The following THOC1 variants were observed in gnomAD, a reference collection of about 807,000 sequenced individuals.
THOC1 encodes THO complex 1.
Under a neutral mutation model 97.3 loss-of-function variants are expected in THOC1, and 29 were observed. That is an observed-to-expected ratio of 0.30 (90% CI 0.22 to 0.41). The LOEUF (loss-of-function observed/expected upper bound fraction) is 0.41. THOC1 is among the 10% of genes least tolerant of loss of function. The pLI is 1.00. For missense variants in THOC1, 529 were observed against 761.9 expected (o/e 0.69, Z 3.60); for synonymous variants, 255 against 257.0 (o/e 0.99, Z 0.07).
chr18:219,657 A>G (rs1019278217), intron 17 of THOC1, among the ~76,000 whole-genome samples: 5 of 152,178 alleles, frequency 3.3e-5, no homozygotes, highest in South Asian at 2.1e-4. Flanking sequence ...TAAATATTAC[A>G]TAGTATTTAC....
intron 1 of THOC1, among the ~76,000 whole-genome samples, chr18:265,802 T>C (rs1912748576): frequency 6.9e-6 from 1 of 145,012 alleles, no homozygotes; most frequent in Admixed American, 6.9e-5. Flanking sequence ...ATGAGTATTG[T>C]GCTTACAAAA....
At chr18:265,279 T>G (rs778429786) in intron 3 of THOC1, 24 bp downstream of exon 3, 9 of 1,556,478 alleles carry the variant, frequency 5.8e-6, no homozygotes, top group Non-Finnish European at 3.5e-6. Flanking sequence ...CAGTAAAATT[T>G]TAACAATGGA....
chr18:220,350 A>G (rs920092843), intron 17 of THOC1, among the ~76,000 whole-genome samples: 3 of 152,252 alleles, frequency 2.0e-5, no homozygotes, highest in Admixed American at 1.3e-4. Flanking sequence ...GCTTCACAAA[A>G]GTATATTTCC....
intron 9 of THOC1, 27 bp downstream of exon 9, chr18:252,512 C>A: frequency 1.3e-6 from 2 of 1,571,308 alleles, no homozygotes; most frequent in South Asian, 1.1e-5. Flanking sequence ...CTCTGTAAAT[C>A]AAAAAGCTTA....
intron 1 of THOC1, among the ~76,000 whole-genome samples, chr18:265,862 T>C (rs1292646532): frequency 6.6e-6 from 1 of 152,200 alleles, no homozygotes; most frequent in Non-Finnish European, 1.5e-5. Context: ...GTTTTGAAGC[T>C]TCATAGATCC....
intron 11 of THOC1, among the ~76,000 whole-genome samples, chr18:235,047 G>A (rs906571716): frequency 1.3e-5 from 2 of 148,470 alleles, no homozygotes; most frequent in East Asian, 2.0e-4. Flanking sequence ...CATTCTGGCT[G>A]GTATTTCCTT....
At chr18:265,088 G>A (rs992465880) in intron 3 of THOC1, 1 of 511,864 alleles carries the variant, frequency 2.0e-6, no homozygotes, top group African/African-American at 2.0e-5. Flanking sequence ...ACTTGGAGAG[G>A]GCTCTTGTCA....
intron 1 of THOC1, 128 bp downstream of exon 1, chr18:267,838 C>T (rs533401019): frequency 4.0e-6 from 4 of 988,734 alleles, no homozygotes; most frequent in South Asian, 1.9e-5. Flanking sequence ...CGACGGGGCC[C>T]GGAGCGGACG....
At chr18:229,322 G>A (rs1293968301) in intron 11 of THOC1, among the ~76,000 whole-genome samples, 18 of 152,136 alleles carry the variant, frequency 1.2e-4, no homozygotes, top group Admixed American at 1.2e-3. Flanking sequence ...ATTGACTATA[G>A]GCACTGTTGC....
rs374961844 is a variant in THOC1 at position 242,347 on chromosome 18, G to C, written c.918+3977C>G. On this transcript the variant is annotated intron_variant, in intron 11 of 20. Transcript: ENST00000261600. This position sits in a 1 kb window ranked among gnomAD's most constrained non-coding sequence, Gnocchi z 4.5. ...ACAAAAATTGGCCAGGCGTGGTGTT[G>C]GGCGCCTGTAATCCCAGCTACTTGG... 3.3e-5 allele frequency among the ~76,000 whole-genome samples: 5 copies of C among 151,886 alleles called. No individual in the cohort carries two copies. The highest frequency in any genetic ancestry group is 1.2e-4 in the African/African-American group (5 of 41,338).
Position 254,613 on chromosome 18 carries a change from A to G in THOC1, c.521-258T>C, listed in dbSNP as rs187285437. ...TGGCAACCCTGCATCGTGCAAGTCT[A>G]TCAGCACCATTTTTCCAACAGCATA... On this transcript the variant is annotated intron_variant, in intron 7 of 20. Coordinates refer to ENST00000261600, the MANE Select transcript of THOC1 (RefSeq NM_005131.3). The surrounding 1 kb of genome is among the most constrained non-coding windows in gnomAD (Gnocchi z 4.1). Among the ~76,000 whole-genome samples, 462 of 152,296 alleles carry G rather than the reference A, an allele frequency of 3.0e-3. 3 individuals carry two copies. Among genetic ancestry groups the G allele is most frequent in the African/African-American group, 0.011 (444 of 41,554 alleles).
At chr18:216,257 T>C (rs2143132309) in intron 19 of THOC1, 1 of 473,652 alleles carries the variant, frequency 2.1e-6, no homozygotes, top group South Asian at 2.8e-5. Flanking sequence ...CACAGCCCTG[T>C]TGAACTTTAA....
chr18:233,796 T>C (rs1911577733), intron 11 of THOC1, among the ~76,000 whole-genome samples: 4 of 152,236 alleles, frequency 2.6e-5, no homozygotes, highest in Admixed American at 2.6e-4. Flanking sequence ...CTTCATGGTT[T>C]TCTTACTCTT....
At chr18:240,504 C>A (rs1409616497) in intron 11 of THOC1, among the ~76,000 whole-genome samples, 1 of 152,228 alleles carries the variant, frequency 6.6e-6, no homozygotes, top group Non-Finnish European at 1.5e-5. Flanking sequence ...TTCATGCTTT[C>A]CGCCCTGAAG....
chr18:243,108 C>G (rs1911963164), intron 11 of THOC1, among the ~76,000 whole-genome samples: 1 of 152,204 alleles, frequency 6.6e-6, no homozygotes, highest in African/African-American at 2.4e-5. Context: ...GCCTCACATT[C>G]TCTTTGGTAC....
chr18:236,455 A>C (rs1430597959), intron 11 of THOC1, among the ~76,000 whole-genome samples: 28 of 142,542 alleles, frequency 2.0e-4, no homozygotes, highest in Non-Finnish European at 1.5e-5. Context: ...TCCCGGGTTC[A>C]CGCCATTCTC....
At chr18:261,293 AAGT>A (rs1383146426) in intron 4 of THOC1, 1 of 152,334 alleles carries the variant, frequency 6.6e-6, no homozygotes, top group Middle Eastern at 3.4e-3. Context: ...TGTTTAAGAA[AAGT>A]AGTCACTTAG....
At chr18:215,849 T>G (rs1287203611) in intron 19 of THOC1, 5 of 237,868 alleles carry the variant, frequency 2.1e-5, no homozygotes, top group Non-Finnish European at 3.3e-5. Flanking sequence ...CTTAAAAGTT[T>G]CTGATTCTTA....
intron 6 of THOC1, 150 bp from the exon 7 acceptor site, chr18:259,425 G>A: frequency 1.4e-6 from 1 of 707,764 alleles, no homozygotes; most frequent in Admixed American, 3.5e-5. Flanking sequence ...CCACAAAAAA[G>A]TACTATAAAT....
Sources: gnomAD v4.1 joint callset for allele counts (sites outside exome capture counted in the v4.1 genomes callset) on GRCh38, gnomAD v4.1.1 for gene constraint, Gnocchi (gnomAD v3.1) non-coding constraint, MANE v1.5 for transcripts, NCBI Gene and HGNC (gene_info 2026-07-23, HGNC 2026-07-21) for gene names.